Variants in EEIG2 observed in about 807,000 individuals in gnomAD.
The protein encoded by EEIG2 is EEIG family member 2, also known as family with sequence similarity 102 member B.
At chr1:108,592,662 T>C in the EEIG2 span, among the ~76,000 whole-genome samples, 1 of 152,150 alleles carries the variant, frequency 6.6e-6, no homozygotes, top group African/African-American at 2.4e-5. Context: ...TACAATAGGT[T>C]CCAGTGTATT....
At chr1:108,615,030 A>C in the EEIG2 span, among the ~76,000 whole-genome samples, 3 of 152,314 alleles carry the variant, frequency 2.0e-5, no homozygotes, top group African/African-American at 7.2e-5. Flanking sequence ...AAGAGAAAAA[A>C]GAGTCATGGA....
the EEIG2 span, among the ~76,000 whole-genome samples, chr1:108,572,786 T>A: frequency 1.3e-5 from 2 of 152,134 alleles, no homozygotes; most frequent in Admixed American, 6.6e-5. Context: ...CGGCTAATTT[T>A]TTTTGTATCT....
chr1:108,635,101 G>C, the EEIG2 span: 1 of 1,613,994 alleles, frequency 6.2e-7, no homozygotes, highest in Non-Finnish European at 8.5e-7. Context: ...TTCCACTGCT[G>C]TTTTAGGGTG....
chr1:108,617,758 A>G, the EEIG2 span, among the ~76,000 whole-genome samples: 1 of 152,202 alleles, frequency 6.6e-6, no homozygotes, highest in Non-Finnish European at 1.5e-5. Flanking sequence ...GTGTGATCAG[A>G]GGAGGAAAGC....
the EEIG2 span, among the ~76,000 whole-genome samples, chr1:108,629,425 T>G: frequency 6.6e-6 from 1 of 152,210 alleles, no homozygotes; most frequent in Non-Finnish European, 1.5e-5. Flanking sequence ...ACCTTTAGAG[T>G]ATCTTTTAAA....
At chr1:108,593,902 C>A in the EEIG2 span, among the ~76,000 whole-genome samples, 2 of 152,098 alleles carry the variant, frequency 1.3e-5, no homozygotes, top group African/African-American at 4.8e-5. Context: ...ACCTCCTGGG[C>A]TCAAGCAATC....
At chr1:108,627,968 G>T in the EEIG2 span, 3 of 537,652 alleles carry the variant, frequency 5.6e-6, no homozygotes, top group African/African-American at 1.9e-5. Context: ...ATTCTTCAGC[G>T]AACTAAGGTA....
the EEIG2 span, among the ~76,000 whole-genome samples, chr1:108,570,782 A>G: frequency 2.0e-5 from 3 of 152,170 alleles, no homozygotes; most frequent in Non-Finnish European, 4.4e-5. Context: ...AAGAATCAGT[A>G]ATGGGGTCCA....
the EEIG2 span, among the ~76,000 whole-genome samples, chr1:108,615,954 CAGAT>C: frequency 6.6e-6 from 1 of 152,092 alleles, no homozygotes; most frequent in Non-Finnish European, 1.5e-5. Flanking sequence ...GGAGTAAAGA[CAGAT>C]AGATTAGCAC....
At chr1:108,566,696 TAA>T in the EEIG2 span, among the ~76,000 whole-genome samples, 12 of 144,576 alleles carry the variant, frequency 8.3e-5, no homozygotes, top group East Asian at 2.4e-3. Context: ...TTCGGCCTTT[TAA>T]AAAAAAAAAA....
At chr1:108,604,625 A>G in the EEIG2 span, among the ~76,000 whole-genome samples, 1 of 152,180 alleles carries the variant, frequency 6.6e-6, no homozygotes, top group Admixed American at 6.5e-5. Context: ...AAATGATGCA[A>G]CAAAGGAGGT....
chr1:108,595,467 AG>A, the EEIG2 span, among the ~76,000 whole-genome samples: 2 of 124,604 alleles, frequency 1.6e-5, no homozygotes, highest in Admixed American at 1.8e-4. Context: ...GATGGAAGGA[AG>A]GGAGGGGGGA....
chr1:108,583,472 T>C, the EEIG2 span, among the ~76,000 whole-genome samples: 1 of 151,904 alleles, frequency 6.6e-6, no homozygotes, highest in African/African-American at 2.4e-5. Flanking sequence ...AACTGAACAT[T>C]GTAATATAAG....
the EEIG2 span, among the ~76,000 whole-genome samples, chr1:108,604,865 CAAAAAAAAAAAAAAAAGAGAA>C: frequency 1.1e-5 from 1 of 88,232 alleles, no homozygotes. Context: ...CCCACCTCTC[CAAAAAAAAAAAAAAAAGAGAA>C]AAAAAAAATT....
chr1:108,600,210 C>G, the EEIG2 span, among the ~76,000 whole-genome samples: 1 of 152,160 alleles, frequency 6.6e-6, no homozygotes, highest in Admixed American at 6.5e-5. Context: ...AATATAATCC[C>G]TACAAGGTCA....
chr1:108,580,423 A>G, the EEIG2 span, among the ~76,000 whole-genome samples: 1 of 152,182 alleles, frequency 6.6e-6, no homozygotes, highest in Non-Finnish European at 1.5e-5. Context: ...CACTTCTCTC[A>G]CTTTAAGTCA....
At chr1:108,628,268 G>A in the EEIG2 span, 2 of 1,613,948 alleles carry the variant, frequency 1.2e-6, no homozygotes, top group African/African-American at 1.3e-5. Context: ...ATCAGGTAGA[G>A]GCTAACAGTG....
chr1:108,608,110 C>T, the EEIG2 span, among the ~76,000 whole-genome samples: 1 of 152,162 alleles, frequency 6.6e-6, no homozygotes, highest in Non-Finnish European at 1.5e-5. Context: ...TACATTCATC[C>T]TTATGCCTCA....
At chr1:108,574,040 G>A in the EEIG2 span, among the ~76,000 whole-genome samples, 2 of 152,136 alleles carry the variant, frequency 1.3e-5, no homozygotes, top group Non-Finnish European at 2.9e-5. Flanking sequence ...ATTAAAAGCA[G>A]GGACTTAAAT....
Sources: gnomAD v4.1 joint callset for allele counts (sites outside exome capture counted in the v4.1 genomes callset) on GRCh38, gnomAD v4.1.1 for gene constraint, MANE v1.5 for transcripts, NCBI Gene and HGNC (gene_info 2026-07-23, HGNC 2026-07-21) for gene names.